The following ATRN variants were observed in gnomAD, a reference collection of about 807,000 sequenced individuals.
The protein encoded by ATRN is attractin-2.
A neutral mutation model predicts 178.7 loss-of-function variants in ATRN; 54 were observed. That is an observed-to-expected ratio of 0.30 (90% CI 0.24 to 0.38). The LOEUF is 0.38. ATRN is among the 10% of genes least tolerant of loss of function. The pLI is 1.00. For missense variants in ATRN, 1,443 were observed against 1,815.1 expected (o/e 0.79, Z 3.73); for synonymous variants, 636 against 663.0 (o/e 0.96, Z 0.63).
At chr20:3,559,349 C>A in intron 6 of ATRN, 44 bp from the exon 7 acceptor site, 1 of 1,373,112 alleles carries the variant, frequency 7.3e-7, no homozygotes, top group Non-Finnish European at 1.0e-6. Flanking sequence ...ATGAGATGTT[C>A]TGTCTTATTA....
In ATRN at chr20:3,645,923, C is replaced by T. The variant is rs1334718507; in HGVS notation, c.4166-800C>T. On this transcript the variant is annotated intron_variant, in intron 28 of 28. Transcript: ENST00000262919. The surrounding 1 kb of genome is among the most constrained non-coding windows in gnomAD (Gnocchi z 4.7). ...TTCCCTAATGGATGTCAGATTACTCCGTTATCAATACAGGAAGGAAAATGG... is the reference window on the plus strand; with the variant it reads ...TTCCCTAATGGATGTCAGATTACTCTGTTATCAATACAGGAAGGAAAATGG... 2.0e-5 allele frequency among the ~76,000 whole-genome samples: 3 copies of T among 152,112 alleles called. No homozygotes were observed. The highest frequency in any genetic ancestry group is 2.1e-4 in the South Asian group (1 of 4,822).
chr20:3,494,276 C>G (rs904597044), intron 1 of ATRN, among the ~76,000 whole-genome samples: 1 of 152,152 alleles, frequency 6.6e-6, no homozygotes, highest in Admixed American at 6.5e-5. Context: ...TCTGCTCAGT[C>G]TGGGGAGCAG....
chr20:3,599,543 C>T (rs1412832877), intron 22 of ATRN, among the ~76,000 whole-genome samples: 1 of 152,124 alleles, frequency 6.6e-6, no homozygotes, highest in Non-Finnish European at 1.5e-5. Flanking sequence ...ATAGTTGACC[C>T]TTGAGCAATA....
intron 24 of ATRN, among the ~76,000 whole-genome samples, chr20:3,609,251 T>C (rs1039738821): frequency 6.6e-6 from 1 of 152,206 alleles, no homozygotes; most frequent in Non-Finnish European, 1.5e-5. Context: ...CCTCCTTGGT[T>C]AGATTTATTC....
chr20:3,552,460 T>G (rs887286169), intron 6 of ATRN, among the ~76,000 whole-genome samples: 3 of 152,110 alleles, frequency 2.0e-5, no homozygotes, highest in African/African-American at 7.2e-5. Context: ...CACTCCATCC[T>G]TCTATTTACT....
In ATRN at chr20:3,522,588, A is replaced by G. The variant is rs1600070352; in HGVS notation, c.411-12665A>G. 2.6e-5 allele frequency among the ~76,000 whole-genome samples: 4 copies of G among 152,218 alleles called. No individual in the cohort carries two copies. The East Asian group carries it at 7.7e-4, about 29-fold the overall frequency. Reference sequence around the variant, plus strand: ...TGCTAAGGGACAGACTGCCTCCTCAAGTGGGTCCCTGACCCCCGTGCCTCC... The same window carrying G: ...TGCTAAGGGACAGACTGCCTCCTCAGGTGGGTCCCTGACCCCCGTGCCTCC... On this transcript the variant is annotated intron_variant, in intron 1 of 28. Transcript: ENST00000262919.
At chr20:3,581,545 A>G (rs536192544) in intron 15 of ATRN, among the ~76,000 whole-genome samples, 1 of 152,328 alleles carries the variant, frequency 6.6e-6, no homozygotes, top group South Asian at 2.1e-4. Context: ...GAATTTTAGA[A>G]TATTTGCATT....
chr20:3,590,675 A>G (rs1457337359), intron 18 of ATRN, among the ~76,000 whole-genome samples: 1 of 152,252 alleles, frequency 6.6e-6, no homozygotes, highest in African/African-American at 2.4e-5. Context: ...AAATCATTCT[A>G]CCATTTGAAG....
intron 24 of ATRN, among the ~76,000 whole-genome samples, chr20:3,606,539 T>C (rs2086679573): frequency 6.6e-6 from 1 of 152,202 alleles, no homozygotes; most frequent in African/African-American, 2.4e-5. Flanking sequence ...CAGCCCTACC[T>C]GGGTAGTCAA....
chr20:3,590,766 T>C (rs938013006), intron 18 of ATRN, among the ~76,000 whole-genome samples: 1 of 152,152 alleles, frequency 6.6e-6, no homozygotes, highest in African/African-American at 2.4e-5. Flanking sequence ...ATGAACATAA[T>C]TGTGCAAATT....
At chr20:3,599,479 C>G (rs1310590312) in intron 22 of ATRN, among the ~76,000 whole-genome samples, 1 of 152,156 alleles carries the variant, frequency 6.6e-6, no homozygotes, top group Admixed American at 6.5e-5. Flanking sequence ...ATGTTCTGTC[C>G]TCTATAAAAC....
At chr20:3,537,860 C>T (rs1433684128) in intron 2 of ATRN, among the ~76,000 whole-genome samples, 1 of 151,416 alleles carries the variant, frequency 6.6e-6, no homozygotes, top group Non-Finnish European at 1.5e-5. Flanking sequence ...TTTATGGCTG[C>T]ATAGTATTCC....
chr20:3,625,932 A>G (rs2086934701), intron 25 of ATRN, among the ~76,000 whole-genome samples: 2 of 152,008 alleles, frequency 1.3e-5, no homozygotes, highest in South Asian at 2.1e-4. Flanking sequence ...TTATCCTACA[A>G]TTTGATTGAA....
At chr20:3,633,316 G>A (rs1001610204) in intron 25 of ATRN, among the ~76,000 whole-genome samples, 3 of 152,160 alleles carry the variant, frequency 2.0e-5, no homozygotes, top group African/African-American at 7.2e-5. Context: ...TAGGGAGGAG[G>A]CAGTGAGCCT....
chr20:3,536,038 T>C (rs764802226), intron 2 of ATRN, among the ~76,000 whole-genome samples: 33 of 152,136 alleles, frequency 2.2e-4, no homozygotes, highest in Non-Finnish European at 1.9e-4. Flanking sequence ...TAATAACTGT[T>C]ATTGCCTAAA....
chr20:3,625,095 C>G (rs1312521866), intron 25 of ATRN, among the ~76,000 whole-genome samples: 2 of 152,112 alleles, frequency 1.3e-5, no homozygotes, highest in African/African-American at 4.8e-5. Context: ...AAAAAACGTG[C>G]TGCAGTTTTT....
At chr20:3,575,791 G>A (rs777029233) in intron 12 of ATRN, 36 bp from the exon 13 acceptor site, 1 of 1,565,916 alleles carries the variant, frequency 6.4e-7, no homozygotes, top group South Asian at 1.2e-5. Context: ...CTCAATTGAA[G>A]TTGTCCCAGT....
chr20:3,620,170 C>G (rs1051317973), intron 24 of ATRN, among the ~76,000 whole-genome samples: 2 of 151,708 alleles, frequency 1.3e-5, no homozygotes, highest in Middle Eastern at 3.2e-3. Context: ...TTTTTCAATG[C>G]AGTTCCTGAA....
chr20:3,570,712 C>G (rs952592956), intron 11 of ATRN, among the ~76,000 whole-genome samples: 8 of 152,128 alleles, frequency 5.3e-5, no homozygotes, highest in African/African-American at 1.9e-4. Context: ...CCCAGTATAA[C>G]AAGATCTGCT....
Sources: gnomAD v4.1 joint callset for allele counts (sites outside exome capture counted in the v4.1 genomes callset) on GRCh38, gnomAD v4.1.1 for gene constraint, Gnocchi (gnomAD v3.1) non-coding constraint, MANE v1.5 for transcripts, NCBI Gene and HGNC (gene_info 2026-07-23, HGNC 2026-07-21) for gene names.